The following PAG1 variants were observed in gnomAD, a reference collection of about 807,000 sequenced individuals.
PAG1 encodes phosphoprotein associated with glycosphingolipid-enriched microdomains 1.
In PAG1, 23 loss-of-function variants were observed where a neutral mutation model predicts 31.7. The observed-to-expected ratio is 0.73, with a 90% CI of 0.52 to 1.03. The LOEUF is 1.03. PAG1 is among the 50% of genes least tolerant of loss of function. The pLI, the probability that PAG1 is intolerant of heterozygous loss-of-function variation, is 0.00. For synonymous variants in PAG1, 214 were observed against 210.3 expected, an observed-to-expected ratio of 1.02 and a Z score of -0.15; for missense variants, 473 against 540.7, an observed-to-expected ratio of 0.87 and a Z score of 1.24.
At chr8:81,010,118 T>C (rs1199852155) in intron 3 of PAG1, among the ~76,000 whole-genome samples, 2 of 152,222 alleles carry the variant, frequency 1.3e-5, no homozygotes, top group Non-Finnish European at 2.9e-5. Flanking sequence ...TTATTTCTCT[T>C]GTAGTATTGG....
chr8:80,980,533 GT>G, intron 7 of PAG1, 39 bp from the exon 8 acceptor site: 1 of 1,268,190 alleles, frequency 7.9e-7, no homozygotes, highest in Non-Finnish European at 1.2e-6. Context: ...GTAATTCAGC[GT>G]TAACAATCTA....
At chr8:81,032,556 A>G (rs930132227) in intron 2 of PAG1, among the ~76,000 whole-genome samples, 1 of 152,166 alleles carries the variant, frequency 6.6e-6, no homozygotes, top group African/African-American at 2.4e-5. Context: ...GGCCATAATA[A>G]ACACGTCTAA....
chr8:81,085,066 A>G (rs7834107), intron 1 of PAG1, among the ~76,000 whole-genome samples: 67,604 of 152,064 alleles, frequency 0.44, 16,997 homozygotes, highest in East Asian at 0.67. Flanking sequence ...AAAACAATCT[A>G]GGAGTAGCTC....
At chr8:81,092,100 C>A (rs1310357254) in intron 1 of PAG1, among the ~76,000 whole-genome samples, 5 of 148,260 alleles carry the variant, frequency 3.4e-5, no homozygotes, top group African/African-American at 4.9e-5. Flanking sequence ...CACCTGTAAC[C>A]CCAACACTTT....
intron 8 of PAG1, among the ~76,000 whole-genome samples, chr8:80,978,354 C>A (rs1807226295): frequency 2.0e-5 from 3 of 152,230 alleles, no homozygotes; most frequent in South Asian, 2.1e-4. Context: ...AAAAAAAATT[C>A]ACTGCTGTTT....
chr8:81,051,097 C>T (rs1324386338), intron 2 of PAG1, among the ~76,000 whole-genome samples: 2 of 152,192 alleles, frequency 1.3e-5, no homozygotes, highest in African/African-American at 4.8e-5. Context: ...GGGTTTTTCT[C>T]CATCCATCTG....
At chr8:81,036,055 T>C (rs1280017156) in intron 2 of PAG1, among the ~76,000 whole-genome samples, 1 of 152,132 alleles carries the variant, frequency 6.6e-6, no homozygotes, top group African/African-American at 2.4e-5. Flanking sequence ...GGGAGCAGGG[T>C]GTTTATACTG....
intron 2 of PAG1, among the ~76,000 whole-genome samples, chr8:81,046,302 T>C (rs1281629869): frequency 6.6e-6 from 1 of 152,200 alleles, no homozygotes; most frequent in Non-Finnish European, 1.5e-5. Flanking sequence ...TCTGAATAAA[T>C]GAAGCATTGG....
At chr8:80,988,866 C>G (rs1265958383) in intron 5 of PAG1, among the ~76,000 whole-genome samples, 1 of 151,556 alleles carries the variant, frequency 6.6e-6, no homozygotes, top group Non-Finnish European at 1.5e-5. Flanking sequence ...GAACAATATG[C>G]CTGGCTCAGC....
intron 1 of PAG1, among the ~76,000 whole-genome samples, chr8:81,091,452 T>G (rs1363312675): frequency 6.6e-6 from 1 of 152,140 alleles, no homozygotes; most frequent in Non-Finnish European, 1.5e-5. Context: ...GCGAACATCA[T>G]ACAATGTACT....
At chr8:80,992,771 C>A (rs1338538072) in intron 4 of PAG1, among the ~76,000 whole-genome samples, 1 of 152,128 alleles carries the variant, frequency 6.6e-6, no homozygotes, top group African/African-American at 2.4e-5. Context: ...GCGCATCACA[C>A]AAGATTTCAA....
At chr8:80,981,326 G>T (rs990180490) in intron 7 of PAG1, among the ~76,000 whole-genome samples, 3 of 151,784 alleles carry the variant, frequency 2.0e-5, no homozygotes, top group Admixed American at 6.6e-5. Context: ...CCTTCTCCTT[G>T]GTGTCCTGTA....
At chr8:80,986,424 G>A (rs1288272934) in intron 6 of PAG1, among the ~76,000 whole-genome samples, 1 of 152,128 alleles carries the variant, frequency 6.6e-6, no homozygotes, top group Non-Finnish European at 1.5e-5. Context: ...TAAAAGCATG[G>A]TGTAAACTCT....
At chr8:81,089,484 C>T (rs533942884) in intron 1 of PAG1, among the ~76,000 whole-genome samples, 156 of 152,032 alleles carry the variant, frequency 1.0e-3, no homozygotes, top group Middle Eastern at 6.8e-3. Flanking sequence ...AGAAGAATGG[C>T]GTGAACCCAG....
chr8:81,042,525 A>G (rs1470052623), intron 2 of PAG1, among the ~76,000 whole-genome samples: 3 of 152,000 alleles, frequency 2.0e-5, no homozygotes, highest in Non-Finnish European at 2.9e-5. Context: ...CCTCTTTATC[A>G]TTTGGAGGTG....
At chr8:81,018,877 C>T (rs534524974) in intron 3 of PAG1, among the ~76,000 whole-genome samples, 2 of 152,242 alleles carry the variant, frequency 1.3e-5, no homozygotes, top group South Asian at 4.1e-4. Context: ...GACTTTGGAA[C>T]TGGGTAACAG....
chr8:80,988,452 TTTTA>T (rs573638870), intron 5 of PAG1, among the ~76,000 whole-genome samples: 1 of 152,114 alleles, frequency 6.6e-6, no homozygotes, highest in Admixed American at 6.5e-5. Flanking sequence ...TCTGCAAACT[TTTTA>T]TTTATTTATT....
chr8:81,045,336 T>C (rs1808623707), intron 2 of PAG1, among the ~76,000 whole-genome samples: 1 of 152,212 alleles, frequency 6.6e-6, no homozygotes, highest in Non-Finnish European at 1.5e-5. Flanking sequence ...TTCTGGTCAA[T>C]ATCACTTAGA....
chr8:80,991,481 C>T lies in PAG1; in HGVS notation c.175G>A (p.Val59Met), dbSNP rs1807545929. 9.3e-6 allele frequency: 15 copies of T among 1,611,790 alleles called. No homozygotes were observed. Among genetic ancestry groups the T allele is most frequent in the East Asian group, 6.7e-5 (3 of 44,876 alleles). The change falls in exon 5 of 9, where the codon GTG (valine) becomes ATG (methionine). Residue 59 changes from valine (V) to methionine (M), a missense_variant and splice_region_variant. Coordinates refer to ENST00000220597, the MANE Select transcript of PAG1 (RefSeq NM_018440.4). Reference sequence around the variant, plus strand: ...GCAGACGACACGCGCAGGCTCACCACGTTCATCAGGTTCTCATGGTCCCCA... The same window carrying T: ...GCAGACGACACGCGCAGGCTCACCATGTTCATCAGGTTCTCATGGTCCCCA... The part of the protein sequence containing the change: ...HSGDHENLMN[V>M]PSDKEMFSRS...
Sources: allele counts gnomAD v4.1 joint callset (sites outside exome capture counted in the v4.1 genomes callset), GRCh38; gene constraint gnomAD v4.1.1; transcripts MANE v1.5; gene names NCBI Gene and HGNC (gene_info 2026-07-23, HGNC 2026-07-21).